Variants in ITGBL1 observed in about 807,000 individuals in gnomAD.
The protein encoded by ITGBL1 is integrin beta-like protein 1.
Under a neutral mutation model 68.5 loss-of-function variants are expected in ITGBL1, and 51 were observed. That is an observed-to-expected ratio of 0.74 (90% CI 0.59 to 0.94). The LOEUF is 0.94. Among genes scored for constraint, ITGBL1 ranks in the 40% least tolerant of loss-of-function variants. The pLI is 0.00. For missense variants in ITGBL1, 649 were observed against 647.4 expected (o/e 1.00, Z -0.03); for synonymous variants, 209 against 227.3 (o/e 0.92, Z 0.72).
intron 7 of ITGBL1, among the ~76,000 whole-genome samples, chr13:101,667,606 G>T (rs1375403308): frequency 1.3e-5 from 2 of 152,104 alleles, no homozygotes; most frequent in African/African-American, 4.8e-5. Flanking sequence ...AAAATCTTAA[G>T]TTTAGCCATG....
At chr13:101,623,651 C>T (rs2031670202) in intron 7 of ITGBL1, among the ~76,000 whole-genome samples, 1 of 152,196 alleles carries the variant, frequency 6.6e-6, no homozygotes, top group Non-Finnish European at 1.5e-5. Context: ...CACCGTGAGT[C>T]ACTGTAGTTC....
At chr13:101,638,410 G>A (rs1167259966) in intron 7 of ITGBL1, among the ~76,000 whole-genome samples, 1 of 145,288 alleles carries the variant, frequency 6.9e-6, no homozygotes, top group Non-Finnish European at 1.5e-5. Flanking sequence ...TAGGCTTTCA[G>A]TATTTACCTT....
chr13:101,685,050 A>G (rs1482223730), intron 7 of ITGBL1, among the ~76,000 whole-genome samples: 1 of 151,818 alleles, frequency 6.6e-6, no homozygotes, highest in Non-Finnish European at 1.5e-5. Context: ...ATACACACAG[A>G]CTCTGTTTTT....
intron 2 of ITGBL1, among the ~76,000 whole-genome samples, chr13:101,560,215 T>C (rs924658939): frequency 7.9e-5 from 12 of 152,218 alleles, no homozygotes; most frequent in East Asian, 7.7e-4. Context: ...TAGGAATCTA[T>C]GGTGGCTCAA....
Position 101,606,174 on chromosome 13 carries a change from T to TATA in ITGBL1, c.1015+7875_1015+7876insATA, listed in dbSNP as rs1555361917. Among the ~76,000 whole-genome samples the TATA allele has an allele frequency of 1.2e-4, 17 of 138,050 alleles. No individual in the cohort carries two copies. In the East Asian group the frequency reaches 1.7e-3, roughly 14 times the overall value. The allele number at this position is 138,050 out of a possible 152,430, so 90.6% of individuals were successfully genotyped here. Reference sequence around the variant, plus strand: ...ACTTCAGTATATTCTATTAGGATTTTTATATATATATATATATAGCCTTAT... The same window carrying TATA: ...ACTTCAGTATATTCTATTAGGATTTTATATATATATATATATATATAGCCTTAT... On this transcript the variant is annotated intron_variant, in intron 7 of 10. Coordinates refer to ENST00000376180, the MANE Select transcript of ITGBL1 (RefSeq NM_004791.3).
intron 9 of ITGBL1, chr13:101,712,659 G>A (rs2034525299): frequency 6.6e-6 from 1 of 152,122 alleles, no homozygotes; most frequent in Admixed American, 6.5e-5. Context: ...AAAACACTAA[G>A]TATGGTGCCT....
intron 2 of ITGBL1, among the ~76,000 whole-genome samples, chr13:101,478,687 A>G (rs2048571969): frequency 6.6e-6 from 1 of 152,094 alleles, no homozygotes; most frequent in Admixed American, 6.6e-5. Flanking sequence ...GCCAACAGCA[A>G]ACAATTTGAA....
chr13:101,527,383 C>T (rs561376966), intron 2 of ITGBL1, among the ~76,000 whole-genome samples: 44 of 152,058 alleles, frequency 2.9e-4, no homozygotes, highest in Non-Finnish European at 5.9e-4. Context: ...ACATCTTTTG[C>T]TCTGCATGCT....
intron 7 of ITGBL1, among the ~76,000 whole-genome samples, chr13:101,603,764 T>G (rs555505843): frequency 2.2e-4 from 34 of 151,974 alleles, no homozygotes; most frequent in African/African-American, 8.2e-4. Flanking sequence ...TTAAAAACCT[T>G]GGGAAGTAAA....
intron 2 of ITGBL1, among the ~76,000 whole-genome samples, chr13:101,504,151 A>G (rs986071): frequency 0.47 from 71,313 of 152,072 alleles, 18,197 homozygotes; most frequent in East Asian, 0.63. Context: ...CTTTATAAAC[A>G]TATATTTCCA....
intron 7 of ITGBL1, among the ~76,000 whole-genome samples, chr13:101,643,660 A>C (rs141845292): frequency 1.6e-4 from 25 of 152,222 alleles, no homozygotes; most frequent in African/African-American, 5.8e-4. Flanking sequence ...AGTGAGAATG[A>C]GCTGCTTTCA....
intron 7 of ITGBL1, among the ~76,000 whole-genome samples, chr13:101,621,665 G>T (rs920313519): frequency 4.6e-5 from 7 of 152,096 alleles, no homozygotes; most frequent in Non-Finnish European, 1.0e-4. Context: ...GGAGACAGGA[G>T]ATTTTTCAGT....
chr13:101,454,606 C>T (rs1433518212), intron 2 of ITGBL1, among the ~76,000 whole-genome samples: 2 of 152,162 alleles, frequency 1.3e-5, no homozygotes, highest in African/African-American at 4.8e-5. Flanking sequence ...CTATCCCTAT[C>T]AAGAATGTTA....
intron 7 of ITGBL1, among the ~76,000 whole-genome samples, chr13:101,656,967 T>A (rs571893132): frequency 3.8e-4 from 57 of 151,470 alleles, no homozygotes; most frequent in African/African-American, 1.0e-3. Context: ...TTTTTTTTTT[T>A]AATTATACTT....
intron 7 of ITGBL1, among the ~76,000 whole-genome samples, chr13:101,621,435 T>C (rs1242973469): frequency 6.6e-6 from 1 of 152,160 alleles, no homozygotes; most frequent in Non-Finnish European, 1.5e-5. Context: ...CCTTGAGCCT[T>C]AGTTTCACAG....
At chr13:101,608,165 A>G (rs780790932) in intron 7 of ITGBL1, among the ~76,000 whole-genome samples, 1 of 152,022 alleles carries the variant, frequency 6.6e-6, no homozygotes, top group Non-Finnish European at 1.5e-5. Flanking sequence ...ATTTTTATCA[A>G]TTAGCATGCT....
intron 2 of ITGBL1, among the ~76,000 whole-genome samples, chr13:101,479,064 C>T: frequency 6.6e-6 from 1 of 152,136 alleles, no homozygotes; most frequent in East Asian, 1.9e-4. Context: ...AATTATAACA[C>T]AGAGCTATAG....
intron 2 of ITGBL1, among the ~76,000 whole-genome samples, chr13:101,479,664 A>G (rs1208745002): frequency 1.3e-5 from 2 of 152,060 alleles, no homozygotes; most frequent in Non-Finnish European, 2.9e-5. Flanking sequence ...CTGAATGGAT[A>G]TTTTTTGAAG....
chr13:101,622,677 C>G (rs2031629385), intron 7 of ITGBL1, among the ~76,000 whole-genome samples: 1 of 152,038 alleles, frequency 6.6e-6, no homozygotes, highest in Non-Finnish European at 1.5e-5. Flanking sequence ...TACATGAGCG[C>G]ACAGATGGAT....
Sources: gnomAD v4.1 joint callset for allele counts (sites outside exome capture counted in the v4.1 genomes callset) on GRCh38, gnomAD v4.1.1 for gene constraint, MANE v1.5 for transcripts, NCBI Gene and HGNC (gene_info 2026-07-23, HGNC 2026-07-21) for gene names.